NFYC: variants seen among roughly 807,000 people sequenced by gnomAD.
NFYC encodes the protein CAAT box DNA-binding protein subunit C.
A neutral mutation model predicts 53.1 loss-of-function variants in NFYC; 25 were observed. The ratio of observed to expected loss-of-function variants is 0.47; its 90% CI spans 0.34 to 0.66. The LOEUF (loss-of-function observed/expected upper bound fraction) is 0.66. Among genes scored for constraint, NFYC ranks in the 30% least tolerant of loss-of-function variants. The pLI is 0.01. For synonymous variants in NFYC, 145 were observed against 152.6 expected (o/e 0.95, Z 0.37); for missense variants, 260 against 422.7 (o/e 0.62, Z 3.38).
At chr1:40,734,657 G>A (rs1435775418) in intron 1 of NFYC, among the ~76,000 whole-genome samples, 2 of 152,038 alleles carry the variant, frequency 1.3e-5, no homozygotes, top group African/African-American at 2.4e-5. Context: ...CACCGTGCCC[G>A]GCCTGCTTTA....
chr1:40,710,957 C>T (rs1643910023), intron 1 of NFYC, among the ~76,000 whole-genome samples: 1 of 152,088 alleles, frequency 6.6e-6, no homozygotes. Flanking sequence ...ATATTCAAGT[C>T]GAGTGGTTAG....
chr1:40,721,530 G>A (rs1192765493), intron 1 of NFYC: 2 of 151,188 alleles, frequency 1.3e-5, no homozygotes, highest in Non-Finnish European at 2.9e-5. Flanking sequence ...GGAAGTCTTA[G>A]GTATCCAAGG....
intron 1 of NFYC, among the ~76,000 whole-genome samples, chr1:40,698,635 C>G (rs1643275522): frequency 6.6e-6 from 1 of 151,378 alleles, no homozygotes; most frequent in Non-Finnish European, 1.5e-5. Flanking sequence ...ATCTTGTTGG[C>G]CAGGCTGGTC....
intron 1 of NFYC, among the ~76,000 whole-genome samples, chr1:40,695,114 CT>C (rs888435410): frequency 1.6e-4 from 25 of 152,170 alleles, no homozygotes; most frequent in African/African-American, 5.3e-4. Flanking sequence ...TGGTGGGCGC[CT>C]GTAATCCCAG....
intron 1 of NFYC, among the ~76,000 whole-genome samples, chr1:40,702,486 G>T (rs1427121084): frequency 6.6e-6 from 1 of 151,712 alleles, no homozygotes; most frequent in African/African-American, 2.4e-5. Flanking sequence ...GGGACTACAG[G>T]TGTGTGCCAC....
intron 2 of NFYC, among the ~76,000 whole-genome samples, chr1:40,741,148 C>T (rs186407311): frequency 7.0e-4 from 107 of 152,202 alleles, no homozygotes; most frequent in African/African-American, 2.5e-3. Context: ...GGGATCATAT[C>T]GTACAGTCCC....
At position 40,709,758 on chromosome 1, in the gene NFYC, T is replaced by C. The variant is rs530286494; in HGVS notation, c.-9+17891T>C. On this transcript the variant is annotated intron_variant, in intron 1 of 9. Coordinates refer to ENST00000447388, the MANE Select transcript of NFYC (RefSeq NM_014223.5). ...TGCACCTAGAATACCTTGCTGTGTT[T>C]AGATTTTGCATGTCCTTCAACTAGG... The C allele has an allele frequency of 3.3e-5, 5 of 152,344 alleles. No homozygotes were observed. The South Asian group carries it at 1.0e-3, about 32-fold the overall frequency. 9.4% of individuals were successfully genotyped at this position (152,344 alleles called of 1,614,324 possible).
At chr1:40,731,516 T>A (rs899397831) in intron 1 of NFYC, among the ~76,000 whole-genome samples, 1 of 150,786 alleles carries the variant, frequency 6.6e-6, no homozygotes, top group Middle Eastern at 3.2e-3. Context: ...GACAGAGTCT[T>A]GCTCTGTTGC....
At chr1:40,720,975 T>A (rs1346107862) in intron 1 of NFYC, among the ~76,000 whole-genome samples, 1 of 152,058 alleles carries the variant, frequency 6.6e-6, no homozygotes, top group African/African-American at 2.4e-5. Context: ...TGAGGGTGTA[T>A]CAGAAACAAA....
chr1:40,715,120 T>C (rs1021757131), intron 1 of NFYC, among the ~76,000 whole-genome samples: 2 of 88,718 alleles, frequency 2.3e-5, no homozygotes, highest in South Asian at 3.3e-4. Flanking sequence ...AAATAATAAT[T>C]TGGCTGGGTG....
chr1:40,766,816 G>C, intron 8 of NFYC, 113 bp downstream of exon 8: 1 of 1,484,252 alleles, frequency 6.7e-7, no homozygotes, highest in Admixed American at 1.9e-5. Flanking sequence ...TCAACCAGAA[G>C]CACCACCCCC....
intron 2 of NFYC, among the ~76,000 whole-genome samples, chr1:40,739,264 G>A (rs1645213861): frequency 6.6e-6 from 1 of 152,200 alleles, no homozygotes; most frequent in South Asian, 2.1e-4. Context: ...TTCAGTAGCT[G>A]TAGCTCAATT....
intron 1 of NFYC, among the ~76,000 whole-genome samples, chr1:40,728,298 G>A (rs1644612137): frequency 6.6e-6 from 1 of 152,086 alleles, no homozygotes; most frequent in Non-Finnish European, 1.5e-5. Flanking sequence ...GTTAGCAGGT[G>A]TTAAAATACT....
At chr1:40,747,454 A>T (rs566292017) in intron 2 of NFYC, 80 bp from the exon 3 acceptor site, 1 of 924,022 alleles carries the variant, frequency 1.1e-6, no homozygotes, top group Admixed American at 1.8e-5. Context: ...ACCAAGCCAG[A>T]GTGTTTCCTA....
rs1484289094 is a variant in NFYC at position 40,691,763 on chromosome 1, T to G, written c.-113T>G. 1 of 455,364 alleles carries G rather than the reference T, an allele frequency of 2.2e-6. No individual in the cohort carries two copies. Among genetic ancestry groups the G allele is most frequent in the Admixed American group, 2.4e-5 (1 of 42,434 alleles). The allele number at this position is 455,364 out of a possible 1,614,324, so 28.2% of individuals were successfully genotyped here. A position where few individuals can be genotyped will look rare whatever the true frequency, so the allele number is the denominator to read the frequency against. ...CGCTTCGCGCGCGCTCCGTTCTCCG[T>G]GACGCACACTTCCCCCTCCCCTCCG... is the stretch of plus-strand genomic sequence containing the variant. On this transcript the variant is annotated 5_prime_UTR_variant, in exon 1 of 10. Transcript: ENST00000447388.
At chr1:40,724,234 G>T (rs1447573147) in intron 1 of NFYC, among the ~76,000 whole-genome samples, 2 of 152,188 alleles carry the variant, frequency 1.3e-5, no homozygotes, top group African/African-American at 4.8e-5. Context: ...TGGGTGTGAT[G>T]GCGGGTGCCT....
At chr1:40,734,405 C>T (rs1644920978) in intron 1 of NFYC, among the ~76,000 whole-genome samples, 1 of 151,910 alleles carries the variant, frequency 6.6e-6, no homozygotes, top group South Asian at 2.1e-4. Context: ...CTCTGTCACC[C>T]AGGCTGGAGT....
At chr1:40,766,877 A>G (rs1326934934) in intron 8 of NFYC, 174 bp downstream of exon 8, 37 of 1,549,360 alleles carry the variant, frequency 2.4e-5, no homozygotes, top group Non-Finnish European at 3.2e-5. Flanking sequence ...TAATTGGAAC[A>G]TTAGATTCAA....
chr1:40,691,734 C>T lies in NFYC; in HGVS notation c.-142C>T, dbSNP rs551158861. Reference sequence around the variant, plus strand: ...CGGCGTGGCCGCCATCTTGCTTGTGCCCCCGCTTCGCGCGCGCTCCGTTCT... The same window carrying T: ...CGGCGTGGCCGCCATCTTGCTTGTGTCCCCGCTTCGCGCGCGCTCCGTTCT... On this transcript the variant is annotated 5_prime_UTR_variant, in exon 1 of 10. Transcript: ENST00000447388. The T allele has an allele frequency of 2.2e-4, 100 of 455,312 alleles. No individual in the cohort carries two copies. Among genetic ancestry groups the T allele is most frequent in the South Asian group, 1.5e-3 (95 of 64,400 alleles). 28.2% of individuals were successfully genotyped at this position (455,312 alleles called of 1,614,324 possible).
Sources: gnomAD v4.1 joint callset for allele counts (sites outside exome capture counted in the v4.1 genomes callset) on GRCh38, gnomAD v4.1.1 for gene constraint, MANE v1.5 for transcripts, NCBI Gene and HGNC (gene_info 2026-07-23, HGNC 2026-07-21) for gene names.